CEP63: variants seen among roughly 807,000 people sequenced by gnomAD.
CEP63 encodes centrosomal protein of 63 kDa.
CEP63 carries 84 observed loss-of-function variants against 89.1 expected under a neutral mutation model. The observed-to-expected ratio is 0.94, with a 90% CI of 0.79 to 1.13. The LOEUF (loss-of-function observed/expected upper bound fraction) is 1.13, where lower values mean the gene tolerates loss of function less well. CEP63 is among the 50% of genes most tolerant of loss of function. The probability of loss-of-function intolerance (pLI) is 0.00; values close to 1 mark genes in which losing one functional copy is unlikely to be tolerated. For synonymous variants in CEP63, 267 were observed against 272.5 expected, an observed-to-expected ratio of 0.98 and a Z score of 0.20; for missense variants, 838 against 813.3, an observed-to-expected ratio of 1.03 and a Z score of -0.37.
chr3:134,514,164 G>T (rs906814471), intron 3 of CEP63, among the ~76,000 whole-genome samples: 2 of 151,976 alleles, frequency 1.3e-5, no homozygotes, highest in Non-Finnish European at 2.9e-5. Context: ...ATTAAAAACT[G>T]TAAAAAAAAT....
At chr3:134,698,219 C>A in the CEP63 span, among the ~76,000 whole-genome samples, 2 of 152,236 alleles carry the variant, frequency 1.3e-5, no homozygotes, top group Non-Finnish European at 2.9e-5. Context: ...ATTCCCAAAG[C>A]AGCTAGGCTG....
At chr3:134,514,055 T>A (rs1186495773) in intron 3 of CEP63, among the ~76,000 whole-genome samples, 1 of 152,160 alleles carries the variant, frequency 6.6e-6, no homozygotes, top group African/African-American at 2.4e-5. Flanking sequence ...AGACCCATGA[T>A]AAATCTAGAT....
the CEP63 span, among the ~76,000 whole-genome samples, chr3:134,741,228 A>T: frequency 7.9e-5 from 12 of 152,338 alleles, no homozygotes; most frequent in Admixed American, 7.8e-4. Flanking sequence ...CCCATAGTCC[A>T]GCCTGAGAAC....
At chr3:134,775,859 C>T in the CEP63 span, among the ~76,000 whole-genome samples, 3 of 152,128 alleles carry the variant, frequency 2.0e-5, no homozygotes, top group Admixed American at 6.5e-5. Context: ...TCTTTTCAGC[C>T]GTCTCATTCT....
chr3:134,618,740 C>T, the CEP63 span, among the ~76,000 whole-genome samples: 1 of 152,294 alleles, frequency 6.6e-6, no homozygotes, highest in South Asian at 2.1e-4. Context: ...GGTGGGAGAT[C>T]TTTTGTTTCC....
At chr3:134,646,806 G>A in the CEP63 span, among the ~76,000 whole-genome samples, 1 of 152,096 alleles carries the variant, frequency 6.6e-6, no homozygotes, top group Non-Finnish European at 1.5e-5. Context: ...GAACCTTCAC[G>A]TGCCCACTGT....
chr3:134,557,552 T>C (rs938226140), intron 12 of CEP63, among the ~76,000 whole-genome samples: 7 of 152,022 alleles, frequency 4.6e-5, no homozygotes, highest in Admixed American at 4.6e-4. Context: ...CACCTAGAAT[T>C]GAAGAGCAAT....
At chr3:134,577,670 G>T (rs1322791352), downstream of CEP63, among the ~76,000 whole-genome samples, 3 of 151,816 alleles carry the variant, frequency 2.0e-5, no homozygotes, top group Non-Finnish European at 4.4e-5. Context: ...TTGTTACACA[G>T]GTATACATGT....
chr3:134,713,411 A>G, the CEP63 span, among the ~76,000 whole-genome samples: 1 of 152,252 alleles, frequency 6.6e-6, no homozygotes, highest in Non-Finnish European at 1.5e-5. Flanking sequence ...AATAGAAGAA[A>G]TAACCTCCCT....
the CEP63 span, among the ~76,000 whole-genome samples, chr3:134,736,783 A>C: frequency 6.6e-6 from 1 of 152,192 alleles, no homozygotes; most frequent in African/African-American, 2.4e-5. Context: ...GGAATTTGCC[A>C]GTTTGATTGT....
chr3:134,629,672 G>T, the CEP63 span: 4 of 1,596,714 alleles, frequency 2.5e-6, no homozygotes, highest in Admixed American at 1.7e-5. Context: ...TCTCGAGGGT[G>T]GACTTCCACA....
intron 6 of CEP63, among the ~76,000 whole-genome samples, 167 bp from the exon 7 acceptor site, chr3:134,545,419 C>T (rs1953061158): frequency 6.6e-6 from 1 of 151,574 alleles, no homozygotes; most frequent in Non-Finnish European, 1.5e-5. Context: ...CGTGAGCCAC[C>T]ACTCCCAGCC....
chr3:134,702,984 T>C, the CEP63 span, among the ~76,000 whole-genome samples: 3 of 152,028 alleles, frequency 2.0e-5, no homozygotes, highest in Non-Finnish European at 4.4e-5. Flanking sequence ...CCCAAAGGAA[T>C]ATAAAACAGT....
At chr3:134,528,689 T>A (rs1377398734) in intron 3 of CEP63, among the ~76,000 whole-genome samples, 1 of 152,138 alleles carries the variant, frequency 6.6e-6, no homozygotes. Context: ...CTTTACGGGT[T>A]ATAGCAGTGT....
At chr3:134,665,702 CAGAGAG>C in the CEP63 span, among the ~76,000 whole-genome samples, 10 of 102,384 alleles carry the variant, frequency 9.8e-5, no homozygotes, top group African/African-American at 3.2e-4. Flanking sequence ...CACACACACA[CAGAGAG>C]AGAGAGAGAG....
the CEP63 span, among the ~76,000 whole-genome samples, chr3:134,760,921 C>T: frequency 2.6e-5 from 4 of 152,046 alleles, no homozygotes; most frequent in African/African-American, 9.7e-5. Flanking sequence ...AGCACTTCCC[C>T]TGACCTCCCC....
intron 2 of CEP63, among the ~76,000 whole-genome samples, chr3:134,501,139 G>A (rs1263112962): frequency 1.3e-5 from 2 of 152,134 alleles, no homozygotes; most frequent in Non-Finnish European, 2.9e-5. Flanking sequence ...TTGAAGATCA[G>A]TTCATTGTAA....
chr3:134,492,070 C>CTTTTT (rs74269453), intron 1 of CEP63, among the ~76,000 whole-genome samples: 16 of 103,664 alleles, frequency 1.5e-4, no homozygotes, highest in African/African-American at 1.9e-4. Context: ...TATTTGTATT[C>CTTTTT]TTTTTTTTTT....
Position 134,545,802 on chromosome 3 carries a change from T to G in CEP63, c.772T>G (p.Ser258Ala). The change falls in exon 7 of 15, where the codon TCT becomes GCT. Residue 258 changes from serine to alanine, a missense_variant. Ser to Ala is a moderately conservative substitution (Grantham distance 99). Coordinates refer to ENST00000675561, the MANE Select transcript of CEP63 (RefSeq NM_001353108.3). ...GCAAAAAGAAGAAAAATTGAGGGAA[T>G]CTGAAAAACTATTAGAGGTATGTTT... ...QQQKEEKLRE[S>A]EKLLEALQEE... is the part of the protein sequence containing the mutation. The G allele has an allele frequency of 5.4e-6, 8 of 1,490,902 alleles. No homozygotes were observed. Among genetic ancestry groups the G allele is most frequent in the African/African-American group, 1.4e-5 (1 of 72,646 alleles). The allele number at this position is 1,490,902 out of a possible 1,614,324, so 92.4% of individuals were successfully genotyped here. A position where few individuals can be genotyped will look rare whatever the true frequency, so the allele number is the denominator to read the frequency against.
Sources: gnomAD v4.1 joint callset for allele counts (sites outside exome capture counted in the v4.1 genomes callset) on GRCh38, gnomAD v4.1.1 for gene constraint, MANE v1.5 for transcripts, NCBI Gene and HGNC (gene_info 2026-07-23, HGNC 2026-07-21) for gene names.